The following PKHD1 variants were observed in gnomAD, a reference collection of about 807,000 sequenced individuals.
PKHD1 encodes the protein fibrocystin.
In PKHD1, 291 loss-of-function variants were observed where a neutral mutation model predicts 412.0. That is an observed-to-expected ratio of 0.71 (90% confidence interval 0.64 to 0.78). The LOEUF (loss-of-function observed/expected upper bound fraction) is 0.78, where lower values mean the gene tolerates loss of function less well. PKHD1 is among the 30% of genes least tolerant of loss of function. The pLI is 0.00. For missense variants in PKHD1, 4,825 were observed against 4,950.7 expected, an observed-to-expected ratio of 0.97 and a Z score of 0.76; for synonymous variants, 1,777 against 1,821.5, an observed-to-expected ratio of 0.98 and a Z score of 0.62.
At chr6:51,921,546 C>T (rs1784711507) in intron 37 of PKHD1, among the ~76,000 whole-genome samples, 1 of 152,172 alleles carries the variant, frequency 6.6e-6, no homozygotes, top group East Asian at 1.9e-4. Flanking sequence ...CCCTTCTCCC[C>T]GTCACTTTCA....
intron 33 of PKHD1, among the ~76,000 whole-genome samples, chr6:52,019,434 A>G (rs1562145455): frequency 6.6e-6 from 1 of 152,258 alleles, no homozygotes. Context: ...AGCAATAAAA[A>G]TGACTGACAG....
chr6:51,827,333 G>A (rs557814756), intron 52 of PKHD1, among the ~76,000 whole-genome samples: 2 of 152,178 alleles, frequency 1.3e-5, no homozygotes, highest in South Asian at 2.1e-4. Context: ...TTCCATTACC[G>A]CCAAAACTCT....
In PKHD1 at chr6:51,647,922, G is replaced by A. The variant is rs563732200; in HGVS notation, c.11398+109C>T. 8 of 754,326 alleles carry A rather than the reference G, an allele frequency of 1.1e-5. No individual in the cohort carries two copies. The East Asian group carries it at 2.0e-4, about 19-fold the overall frequency. The allele number at this position is 754,326 out of a possible 1,614,324, so 46.7% of individuals were successfully genotyped here. Reference sequence around the variant, plus strand: ...TGAAGGAGTTTCTTCCCAAATTACTGAAGAAATTCAGTATTACCAATTTTG... The same window carrying A: ...TGAAGGAGTTTCTTCCCAAATTACTAAAGAAATTCAGTATTACCAATTTTG... On this transcript the variant is annotated intron_variant, in intron 63 of 66. Transcript: ENST00000371117.
At chr6:51,651,458 G>A (rs1298092958) in intron 61 of PKHD1, among the ~76,000 whole-genome samples, 1 of 152,098 alleles carries the variant, frequency 6.6e-6, no homozygotes, top group Non-Finnish European at 1.5e-5. Context: ...TGCTAAGGGG[G>A]TGAAAGGTCA....
At chr6:51,759,801 A>G (rs544427234) in intron 55 of PKHD1, among the ~76,000 whole-genome samples, 2 of 152,238 alleles carry the variant, frequency 1.3e-5, no homozygotes, top group East Asian at 3.9e-4. Context: ...ATAATTAAAG[A>G]AAATAAAACT....
chr6:51,699,877 A>T (rs1055200915), intron 60 of PKHD1, among the ~76,000 whole-genome samples: 1 of 148,568 alleles, frequency 6.7e-6, no homozygotes, highest in Non-Finnish European at 1.5e-5. Flanking sequence ...TGCTGGGAAT[A>T]GTATTAAATA....
intron 58 of PKHD1, among the ~76,000 whole-genome samples, chr6:51,747,213 G>C (rs1785308119): frequency 6.6e-6 from 1 of 152,148 alleles, no homozygotes; most frequent in Non-Finnish European, 1.5e-5. Context: ...ACAGGGGAGA[G>C]ACTACAATGG....
chr6:51,668,214 T>G (rs1011283246), intron 60 of PKHD1, among the ~76,000 whole-genome samples: 2,696 of 152,128 alleles, frequency 0.018, 34 homozygotes, highest in African/African-American at 0.041. Context: ...TATCCTCTTT[T>G]ATTTCATTGA....
chr6:51,639,612 C>A (rs1431551881), intron 63 of PKHD1, among the ~76,000 whole-genome samples: 1 of 152,004 alleles, frequency 6.6e-6, no homozygotes, highest in Non-Finnish European at 1.5e-5. Context: ...AAAAAAAAAC[C>A]CTTGCGTCTT....
chr6:52,059,899 G>A (rs2128215378), intron 15 of PKHD1, 29 bp downstream of exon 15: 2 of 1,109,708 alleles, frequency 1.8e-6, no homozygotes, highest in African/African-American at 1.5e-5. Flanking sequence ...TGGCAACAGA[G>A]AAAAGGAAAA....
chr6:51,918,617 CA>C (rs1435238347), intron 37 of PKHD1, among the ~76,000 whole-genome samples: 2 of 152,124 alleles, frequency 1.3e-5, no homozygotes, highest in Non-Finnish European at 2.9e-5. Flanking sequence ...GGGTTGGTTC[CA>C]AGTCTTTGCT....
At chr6:51,860,914 C>A (rs1032338041) in intron 48 of PKHD1, among the ~76,000 whole-genome samples, 5 of 152,042 alleles carry the variant, frequency 3.3e-5, no homozygotes, top group Non-Finnish European at 2.9e-5. Flanking sequence ...CAGGTTCAAG[C>A]AATTCTCCTG....
Position 52,046,127 on chromosome 6 carries a change from G to A in PKHD1, c.2469C>T (p.Asp823=), listed in dbSNP as rs978337519. The A allele has an allele frequency of 6.2e-7, 1 of 1,613,424 alleles. No individual in the cohort carries two copies. The highest frequency in any genetic ancestry group is 8.5e-7 in the Non-Finnish European group (1 of 1,179,458). Residue 823 remains aspartate (D), a synonymous_variant, in exon 24 of 67, where the codon GAC becomes GAT. Coordinates refer to ENST00000371117, the MANE Select transcript of PKHD1 (RefSeq NM_138694.4). The part of the protein sequence containing the change: ...LHQLLQNNAD[D]FTSRYLNASD... ...TGGCATTGAGGTACCTGGATGTGAAGTCATCGGCATTATTCTGTAAGAGCT... is the reference window on the plus strand; with the variant it reads ...TGGCATTGAGGTACCTGGATGTGAAATCATCGGCATTATTCTGTAAGAGCT...
chr6:51,797,480 C>G (rs1420079103), intron 52 of PKHD1, among the ~76,000 whole-genome samples: 2 of 152,098 alleles, frequency 1.3e-5, no homozygotes, highest in African/African-American at 4.8e-5. Context: ...AATCTGGGTG[C>G]TACAGTATTG....
At chr6:51,849,229 A>G (rs1485875352) in intron 49 of PKHD1, among the ~76,000 whole-genome samples, 1 of 152,184 alleles carries the variant, frequency 6.6e-6, no homozygotes, top group Non-Finnish European at 1.5e-5. Context: ...AAAGGACATG[A>G]TCTCATTCCT....
intron 63 of PKHD1, among the ~76,000 whole-genome samples, chr6:51,644,868 C>T (rs562593285): frequency 5.9e-5 from 9 of 152,190 alleles, no homozygotes; most frequent in South Asian, 2.1e-4. Context: ...TTAGTAGAGA[C>T]GGGGTTTTAC....
Position 51,709,481 on chromosome 6 carries a change from C to T in PKHD1, c.10156+34904G>A, listed in dbSNP as rs550456471. ...TCACTTCGGAGGAAGTTAGGATACT[C>T]GGAAAAAGTTCTTAAGCCCAACCCC... On this transcript the variant is annotated intron_variant, in intron 60 of 66. Transcript: ENST00000371117. Among the ~76,000 whole-genome samples the T allele has an allele frequency of 1.5e-4, 23 of 152,232 alleles. No homozygotes were observed. The East Asian group carries it at 3.7e-3, about 24-fold the overall frequency.
chr6:51,812,116 G>A (rs1043518511), intron 52 of PKHD1, among the ~76,000 whole-genome samples: 3 of 152,110 alleles, frequency 2.0e-5, no homozygotes, highest in African/African-American at 4.8e-5. Context: ...TTTACATCCC[G>A]CTCGGTCCCT....
intron 20 of PKHD1, 67 bp downstream of exon 20, chr6:52,053,971 T>G: frequency 6.4e-7 from 1 of 1,553,456 alleles, no homozygotes; most frequent in Non-Finnish European, 8.9e-7. Flanking sequence ...GGTGGGTAAC[T>G]GTCCCCAAAA....
Sources: gnomAD v4.1 joint callset for allele counts (sites outside exome capture counted in the v4.1 genomes callset) on GRCh38, gnomAD v4.1.1 for gene constraint, MANE v1.5 for transcripts, NCBI Gene and HGNC (gene_info 2026-07-23, HGNC 2026-07-21) for gene names.